Variants in DST observed in about 807,000 individuals in gnomAD.
DST encodes the protein dystonin.
Under a neutral mutation model 875.2 loss-of-function variants are expected in DST, and 253 were observed. The observed-to-expected ratio is 0.29, with a 90% CI of 0.26 to 0.32. The LOEUF is 0.32. DST is among the 10% of genes least tolerant of loss of function. The probability of loss-of-function intolerance (pLI) is 1.00; values close to 1 mark genes in which losing one functional copy is unlikely to be tolerated. For missense variants in DST, 8,287 were observed against 9,111.6 expected (o/e 0.91, Z 3.68); for synonymous variants, 3,124 against 3,197.1 (o/e 0.98, Z 0.77).
intron 9 of DST, among the ~76,000 whole-genome samples, chr6:56,690,464 A>G (rs1376921003): frequency 6.6e-6 from 1 of 152,172 alleles, no homozygotes; most frequent in Non-Finnish European, 1.5e-5. Flanking sequence ...CTAGGTCAGC[A>G]TGTCATTGCA....
chr6:56,641,217 A>G (rs962283292), intron 17 of DST, among the ~76,000 whole-genome samples: 1 of 152,130 alleles, frequency 6.6e-6, no homozygotes, highest in Non-Finnish European at 1.5e-5. Context: ...GTTTTTATAC[A>G]CGTATTTTCT....
intron 4 of DST, among the ~76,000 whole-genome samples, chr6:56,824,661 C>A (rs937274775): frequency 1.3e-4 from 19 of 151,642 alleles, no homozygotes; most frequent in Admixed American, 2.6e-4. Context: ...GGCCGCGACC[C>A]CGTCTGGGAG....
intron 28 of DST, 78 bp downstream of exon 28, chr6:56,632,776 G>T: frequency 2.6e-6 from 3 of 1,167,362 alleles, no homozygotes; most frequent in African/African-American, 1.5e-5. Flanking sequence ...ACCTAAGATT[G>T]AGATTCCCAT....
Position 56,593,694 on chromosome 6 carries a change from G to A in DST, c.12695C>T (p.Ala4232Val), listed in dbSNP as rs1430527690. 2 of 1,609,168 alleles carry A rather than the reference G, an allele frequency of 1.2e-6. No homozygotes were observed. Among genetic ancestry groups the A allele is most frequent in the Non-Finnish European group, 1.7e-6 (2 of 1,176,954 alleles). The change falls in exon 48 of 104, where the codon GCT (alanine) becomes GTT (valine). Residue 4232 changes from alanine (A) to valine (V), a missense_variant. Physicochemically the swap from Ala to Val is moderately conservative, Grantham distance 64. Around this residue, in one of 10 missense-constraint regions of DST, gnomAD observed 1,513 missense variants for 1,677.8 expected, o/e 0.90. Coordinates refer to ENST00000680361, the MANE Select transcript of DST (RefSeq NM_001374736.1). ...HREVQRKLDH[A>V]TDRFRSLYSK... ...GTAGAGAGACCTGAACCGATCAGTA[G>A]CATGATCCAACTTGCGCTGCACTTC...
intron 10 of DST, among the ~76,000 whole-genome samples, chr6:56,659,125 G>C (rs112103143): frequency 1.4e-4 from 22 of 152,254 alleles, no homozygotes; most frequent in Admixed American, 4.6e-4. Flanking sequence ...AAATTTAAAT[G>C]GTCAAAGAAC....
chr6:56,745,782 T>A (rs1589537184), intron 4 of DST, among the ~76,000 whole-genome samples: 1 of 152,186 alleles, frequency 6.6e-6, no homozygotes, highest in Non-Finnish European at 1.5e-5. Context: ...TTACAAATGA[T>A]GTGAGCATAC....
At chr6:56,595,118 C>A (rs2098348712) in intron 47 of DST, among the ~76,000 whole-genome samples, 1 of 152,148 alleles carries the variant, frequency 6.6e-6, no homozygotes, top group Non-Finnish European at 1.5e-5. Context: ...GGCAATTTCC[C>A]ACATTTCTTA....
chr6:56,793,136 T>C (rs972860850), intron 4 of DST, among the ~76,000 whole-genome samples: 2 of 149,968 alleles, frequency 1.3e-5, no homozygotes, highest in South Asian at 4.3e-4. Flanking sequence ...CTAGCAATCC[T>C]TATTTGCATC....
chr6:56,583,540 G>A (rs2098074777), intron 49 of DST, among the ~76,000 whole-genome samples: 1 of 152,026 alleles, frequency 6.6e-6, no homozygotes, highest in Non-Finnish European at 1.5e-5. Context: ...CTCCCATTTT[G>A]TAGGTTGCCT....
chr6:56,915,750 A>G (rs1244789400), intron 2 of DST, among the ~76,000 whole-genome samples: 1 of 152,212 alleles, frequency 6.6e-6, no homozygotes, highest in Non-Finnish European at 1.5e-5. Flanking sequence ...ATCAGAAATC[A>G]CTCAAGACAC....
intron 36 of DST, chr6:56,620,192 CTCTT>C (rs1190413927): frequency 3.1e-6 from 5 of 1,613,472 alleles, no homozygotes; most frequent in African/African-American, 1.3e-5. Context: ...CTCATTGTCT[CTCTT>C]TCTTCTTAAT....
intron 54 of DST, among the ~76,000 whole-genome samples, chr6:56,569,251 G>A (rs1328339869): frequency 4.0e-5 from 6 of 150,022 alleles, no homozygotes; most frequent in African/African-American, 1.2e-4. Context: ...CGTGAACCCA[G>A]GAGGCAGAGC....
chr6:56,552,942 C>T lies in DST; in HGVS notation c.15850G>A (p.Glu5284Lys). ...KFKEFQEVSK[E>K]SKRQLQCAKE... ...GCACACTGAAGCTGCCTTTTAGATT[C>T]TTTGGAAACTTCTTGAAATTCTTTA... is the stretch of plus-strand genomic sequence containing the variant. Residue 5284 changes from glutamate to lysine, a missense_variant, in exon 61 of 104, where the codon GAA (glutamate) becomes AAA (lysine). Transcript: ENST00000680361. The T allele has an allele frequency of 6.2e-7, 1 of 1,614,002 alleles. No homozygotes were observed. Among genetic ancestry groups the T allele is most frequent in the Non-Finnish European group, 8.5e-7 (1 of 1,179,886 alleles).
chr6:56,490,847 T>C (rs1379165100), intron 85 of DST, among the ~76,000 whole-genome samples: 1 of 152,130 alleles, frequency 6.6e-6, no homozygotes, highest in East Asian at 1.9e-4. Context: ...TTTTAAGCCA[T>C]ATAAATAGAG....
Position 56,640,158 on chromosome 6 carries a change from C to A in DST, c.2475G>T (p.Trp825Cys). ...ATTTTTTTACCTGCATCTCATCAAC[C>A]CAATTCAAAAGATCCTGAACAAATT... ...NMKFVQDLLN[W>C]VDEMQVQLDR... Residue 825 changes from tryptophan (W) to cysteine (C), a missense_variant, in exon 18 of 104, where the codon TGG becomes TGT. This residue lies in a region of DST where 1,160 missense variants were observed against 1,424.3 expected (regional missense o/e 0.81). Transcript: ENST00000680361. The A allele has an allele frequency of 6.2e-7, 1 of 1,613,984 alleles. No homozygotes were observed. Among genetic ancestry groups the A allele is most frequent in the South Asian group, 1.1e-5 (1 of 91,078 alleles).
At chr6:56,569,792 T>C (rs777403001) in intron 54 of DST, 64 bp downstream of exon 54, 17 of 1,415,930 alleles carry the variant, frequency 1.2e-5, no homozygotes, top group Non-Finnish European at 1.4e-5. Context: ...AAAACTACCA[T>C]TAGTCTTTTA....
intron 88 of DST, among the ~76,000 whole-genome samples, chr6:56,483,321 C>A (rs923482222): frequency 1.3e-5 from 2 of 152,086 alleles, no homozygotes; most frequent in African/African-American, 4.8e-5. Flanking sequence ...ATCTAAGAAC[C>A]TAACAGAGGA....
Position 56,493,107 on chromosome 6 carries a change from T to G in DST, c.20395-18A>C, listed in dbSNP as rs1257940084. The G allele has an allele frequency of 1.2e-6, 2 of 1,602,138 alleles. No homozygotes were observed. The highest frequency in any genetic ancestry group is 2.7e-5 in the African/African-American group (2 of 74,784). ...AGTTTAGTCTGCAAGGACAGATTGT[T>G]TAGTATGTGATGTTTAAGGGCCTTG... On this transcript the variant is annotated intron_variant, in intron 83 of 103. Transcript: ENST00000680361.
intron 88 of DST, among the ~76,000 whole-genome samples, chr6:56,483,094 T>C (rs2095450654): frequency 6.6e-6 from 1 of 152,226 alleles, no homozygotes; most frequent in Non-Finnish European, 1.5e-5. Context: ...TGTTCAGTCC[T>C]GTCACATTCT....
Sources: gnomAD v4.1 joint callset for allele counts (sites outside exome capture counted in the v4.1 genomes callset) on GRCh38, gnomAD v4.1.1 for gene constraint, gnomAD v4.1.1 regional missense constraint, MANE v1.5 for transcripts, NCBI Gene and HGNC (gene_info 2026-07-23, HGNC 2026-07-21) for gene names.